The following CHRM3 variants were observed in gnomAD, a reference collection of about 807,000 sequenced individuals.
CHRM3 encodes the protein cholinergic receptor muscarinic 3.
A neutral mutation model predicts 41.8 loss-of-function variants in CHRM3; 11 were observed. The observed-to-expected ratio is 0.26, with a 90% CI of 0.17 to 0.44. CHRM3 has a LOEUF of 0.44. CHRM3 is among the 20% of genes least tolerant of loss of function. The probability of loss-of-function intolerance (pLI) is 1.00; values close to 1 mark genes in which losing one functional copy is unlikely to be tolerated. For synonymous variants in CHRM3, 297 were observed against 301.4 expected (o/e 0.99, Z 0.15); for missense variants, 571 against 745.4 (o/e 0.77, Z 2.72).
At chr1:239,451,655 C>T (rs1442631841) in intron 1 of CHRM3, among the ~76,000 whole-genome samples, 2 of 152,118 alleles carry the variant, frequency 1.3e-5, no homozygotes, top group African/African-American at 4.8e-5. Flanking sequence ...AGATTTCAAA[C>T]TTTAATAAGA....
At chr1:239,695,587 AG>A (rs1660109542) in intron 5 of CHRM3, among the ~76,000 whole-genome samples, 2 of 152,116 alleles carry the variant, frequency 1.3e-5, no homozygotes, top group African/African-American at 2.4e-5. Context: ...AAACAATAAA[AG>A]CTCAAGTTCA....
chr1:239,504,526 A>AGTGT (rs1668439190), intron 2 of CHRM3, among the ~76,000 whole-genome samples: 2 of 152,228 alleles, frequency 1.3e-5, no homozygotes, highest in African/African-American at 4.8e-5. Flanking sequence ...AAGAACTACA[A>AGTGT]GTAGAACTCT....
rs1680211275 is a variant in CHRM3 at position 239,909,172 on chromosome 1, A to G, written c.1721A>G (p.Gln574Arg). Residue 574 changes from glutamine to arginine, a missense_variant, in exon 7 of 7, where the codon CAG becomes CGG. By Grantham distance (43) the Gln-to-Arg change is conservative. Around this residue, in one of 5 missense-constraint regions of CHRM3, gnomAD observed 44 missense variants for 39.7 expected, o/e 1.11. Coordinates refer to ENST00000676153, the MANE Select transcript of CHRM3 (RefSeq NM_001375978.1). ...AAAAAGAGGCGCAAGCAGCAGTACC[A>G]GCAGAGACAGTCGGTCATTTTTCAC... The part of the protein sequence containing the change: ...DKKKRRKQQY[Q>R]QRQSVIFHKR... 11 of 1,613,652 alleles carry G rather than the reference A, an allele frequency of 6.8e-6. No homozygotes were observed. Among genetic ancestry groups the G allele is most frequent in the Non-Finnish European group, 8.5e-6 (10 of 1,179,950 alleles).
intron 6 of CHRM3, among the ~76,000 whole-genome samples, chr1:239,884,232 C>A (rs1465464970): frequency 6.6e-6 from 1 of 152,182 alleles, no homozygotes; most frequent in Non-Finnish European, 1.5e-5. Flanking sequence ...CTGGATTATT[C>A]ATGTGGGCCC....
intron 2 of CHRM3, among the ~76,000 whole-genome samples, chr1:239,503,268 G>A (rs2354405): frequency 0.21 from 32,489 of 151,928 alleles, 3,992 homozygotes; most frequent in Middle Eastern, 0.37. Flanking sequence ...CATCAACAGC[G>A]ACCAAGCAGA....
intron 3 of CHRM3, among the ~76,000 whole-genome samples, chr1:239,608,132 T>A (rs2148729063): frequency 6.6e-6 from 1 of 152,342 alleles, no homozygotes; most frequent in Non-Finnish European, 1.5e-5. Context: ...ATGTAAAAAA[T>A]TGCACTATAT....
At chr1:239,742,571 GCT>G (rs1356706600) in intron 5 of CHRM3, among the ~76,000 whole-genome samples, 5 of 152,110 alleles carry the variant, frequency 3.3e-5, no homozygotes, top group Admixed American at 3.3e-4. Context: ...CAAATGTCAT[GCT>G]CTTCCCATCC....
intron 1 of CHRM3, among the ~76,000 whole-genome samples, chr1:239,436,632 T>A (rs1054560798): frequency 7.2e-5 from 11 of 152,114 alleles, no homozygotes; most frequent in African/African-American, 2.2e-4. Context: ...AGGAAAAGCT[T>A]TATGAATTTT....
chr1:239,756,075 C>T (rs1666219197), intron 5 of CHRM3, among the ~76,000 whole-genome samples: 1 of 152,186 alleles, frequency 6.6e-6, no homozygotes, highest in South Asian at 2.1e-4. Context: ...TCCTAAGCTT[C>T]CCCAGCAAAT....
intron 6 of CHRM3, among the ~76,000 whole-genome samples, chr1:239,857,540 A>T (rs1217772083): frequency 1.3e-5 from 2 of 152,192 alleles, no homozygotes; most frequent in South Asian, 4.1e-4. Flanking sequence ...TAGGAATAAA[A>T]CATCTTTTTA....
intron 5 of CHRM3, among the ~76,000 whole-genome samples, chr1:239,733,035 G>C (rs1664092258): frequency 1.3e-5 from 2 of 151,976 alleles, no homozygotes; most frequent in Admixed American, 1.3e-4. Context: ...ACATTACTTA[G>C]ATTCTTAGAA....
At chr1:239,393,057 G>A (rs1659178856) in intron 1 of CHRM3, among the ~76,000 whole-genome samples, 1 of 152,118 alleles carries the variant, frequency 6.6e-6, no homozygotes, top group South Asian at 2.1e-4. Flanking sequence ...GTACTCGGGA[G>A]GCTAAGGCAG....
At chr1:239,561,144 A>G (rs905501426) in intron 3 of CHRM3, among the ~76,000 whole-genome samples, 4 of 151,804 alleles carry the variant, frequency 2.6e-5, no homozygotes, top group Non-Finnish European at 4.4e-5. Context: ...CCGCAGGACC[A>G]CTCTTGTGCT....
chr1:239,434,139 T>G (rs562678988), intron 1 of CHRM3, among the ~76,000 whole-genome samples: 1 of 152,214 alleles, frequency 6.6e-6, no homozygotes, highest in Non-Finnish European at 1.5e-5. Context: ...AAAGCTCTAT[T>G]TTAAGGATCA....
At chr1:239,905,256 C>A (rs1292017929) in intron 6 of CHRM3, among the ~76,000 whole-genome samples, 1 of 152,286 alleles carries the variant, frequency 6.6e-6, no homozygotes, top group East Asian at 1.9e-4. Context: ...GGTGGAGAGG[C>A]AGCACAGCCT....
intron 2 of CHRM3, among the ~76,000 whole-genome samples, chr1:239,526,190 T>C (rs145861370): frequency 1.7e-3 from 257 of 152,296 alleles, no homozygotes; most frequent in African/African-American, 5.9e-3. Context: ...TCATTGCCTA[T>C]GTCCTTGCCT....
At position 239,387,461 on chromosome 1, in the gene CHRM3, C is replaced by G. The variant is rs1172622435; in HGVS notation, c.-521+234C>G. ...CGCGATCTGGTGCGGAGTTGGAGTT[C>G]TGGGACTGAGGGTGGGGAACGCCCG... On this transcript the variant is annotated intron_variant, in intron 1 of 6. Coordinates refer to ENST00000676153, the MANE Select transcript of CHRM3 (RefSeq NM_001375978.1). The surrounding 1 kb of genome is among the most constrained non-coding windows in gnomAD (Gnocchi z 5.1). Among the ~76,000 whole-genome samples, 6 of 151,946 alleles carry G rather than the reference C, an allele frequency of 3.9e-5. No homozygotes were observed. Among genetic ancestry groups the G allele is most frequent in the African/African-American group, 7.2e-5 (3 of 41,384 alleles).
intron 3 of CHRM3, among the ~76,000 whole-genome samples, chr1:239,555,035 A>G (rs576895184): frequency 1.3e-5 from 2 of 152,182 alleles, no homozygotes; most frequent in African/African-American, 4.8e-5. Context: ...GCCCTGGTTT[A>G]TGTATTTCTA....
At chr1:239,624,652 A>T (rs1668834389) in intron 3 of CHRM3, among the ~76,000 whole-genome samples, 1 of 147,460 alleles carries the variant, frequency 6.8e-6, no homozygotes, top group Non-Finnish European at 1.5e-5. Context: ...TTAAATCTTT[A>T]ATCCATCTTG....
Sources: allele counts gnomAD v4.1 joint callset (sites outside exome capture counted in the v4.1 genomes callset), GRCh38; gene constraint gnomAD v4.1.1; regional missense constraint gnomAD v4.1.1; non-coding constraint Gnocchi (gnomAD v3.1); transcripts MANE v1.5; gene names NCBI Gene and HGNC (gene_info 2026-07-23, HGNC 2026-07-21).